The following TAFA1 variants were observed in gnomAD, a reference collection of about 807,000 sequenced individuals.
TAFA1 encodes the protein chemokine-like protein TAFA-1.
TAFA1 carries 4 observed loss-of-function variants against 18.5 expected under a neutral mutation model. The ratio of observed to expected loss-of-function variants is 0.22; its 90% CI spans 0.11 to 0.49. The LOEUF (loss-of-function observed/expected upper bound fraction) is 0.49. Among genes scored for constraint, TAFA1 ranks in the 20% least tolerant of loss-of-function variants. The probability of loss-of-function intolerance (pLI) is 0.98; values close to 1 mark genes in which losing one functional copy is unlikely to be tolerated. For missense variants in TAFA1, 147 were observed against 169.0 expected (o/e 0.87, Z 0.72); for synonymous variants, 56 against 55.2 (o/e 1.01, Z -0.06).
chr3:68,232,365 G>C (rs1466587396), intron 2 of TAFA1, among the ~76,000 whole-genome samples: 1 of 152,084 alleles, frequency 6.6e-6, no homozygotes, highest in Non-Finnish European at 1.5e-5. Context: ...TGTCCTCCAG[G>C]CTCATATTGC....
intron 2 of TAFA1, among the ~76,000 whole-genome samples, chr3:68,083,374 G>T (rs2064928878): frequency 1.3e-5 from 2 of 152,206 alleles, no homozygotes; most frequent in Admixed American, 1.3e-4. Context: ...TAGATTTTAT[G>T]TGAAAAACAT....
intron 2 of TAFA1, among the ~76,000 whole-genome samples, chr3:68,297,785 T>C (rs1430871459): frequency 1.3e-5 from 2 of 152,172 alleles, no homozygotes; most frequent in African/African-American, 4.8e-5. Context: ...AATATTTCTA[T>C]ATGTTCATAT....
chr3:68,185,733 A>G (rs2066261699), intron 2 of TAFA1, among the ~76,000 whole-genome samples: 1 of 151,836 alleles, frequency 6.6e-6, no homozygotes. Flanking sequence ...AACATAAAGA[A>G]ACTTCATCTC....
the TAFA1 span, among the ~76,000 whole-genome samples, chr3:67,999,241 G>A: frequency 8.7e-6 from 1 of 114,574 alleles, no homozygotes; most frequent in African/African-American, 3.3e-5. Context: ...CTTGAATAGT[G>A]CTCTCTCTCT....
intron 2 of TAFA1, among the ~76,000 whole-genome samples, chr3:68,362,008 A>G (rs1422421858): frequency 6.6e-6 from 1 of 152,132 alleles, no homozygotes; most frequent in Admixed American, 6.6e-5. Context: ...TAATTTTGAA[A>G]ACTAAAATGG....
At chr3:68,398,023 C>T (rs2106736651) in intron 2 of TAFA1, among the ~76,000 whole-genome samples, 1 of 152,148 alleles carries the variant, frequency 6.6e-6, no homozygotes, top group African/African-American at 2.4e-5. Flanking sequence ...CAGTGTTATT[C>T]CCATGAAGCT....
At chr3:67,994,939 A>C in the TAFA1 span, among the ~76,000 whole-genome samples, 2 of 152,216 alleles carry the variant, frequency 1.3e-5, no homozygotes, top group East Asian at 3.9e-4. Context: ...TGGTTACATA[A>C]GTGAAAATCA....
intron 2 of TAFA1, among the ~76,000 whole-genome samples, chr3:68,246,125 G>A (rs545227897): frequency 5.9e-5 from 9 of 152,112 alleles, no homozygotes; most frequent in Non-Finnish European, 1.2e-4. Flanking sequence ...GAGCTTGCAA[G>A]GTAATGAAAT....
intron 2 of TAFA1, among the ~76,000 whole-genome samples, chr3:68,416,487 G>T (rs2070841378): frequency 6.6e-6 from 1 of 152,194 alleles, no homozygotes. Flanking sequence ...GTCACTTGAT[G>T]TATCTTTTGC....
intron 2 of TAFA1, among the ~76,000 whole-genome samples, chr3:68,329,967 T>TA (rs1205135463): frequency 2.6e-5 from 4 of 151,546 alleles, no homozygotes; most frequent in African/African-American, 9.8e-5. Context: ...AATAAATACA[T>TA]AAGTACATGC....
chr3:68,187,856 T>C (rs1330909576), intron 2 of TAFA1, among the ~76,000 whole-genome samples: 1 of 151,984 alleles, frequency 6.6e-6, no homozygotes, highest in Non-Finnish European at 1.5e-5. Flanking sequence ...TTTTGGCCAT[T>C]TTAGTGAGTA....
At chr3:68,285,369 TA>T (rs943622200) in intron 2 of TAFA1, among the ~76,000 whole-genome samples, 1 of 152,128 alleles carries the variant, frequency 6.6e-6, no homozygotes, top group African/African-American at 2.4e-5. Flanking sequence ...TATAGATATG[TA>T]AAAATTAATG....
chr3:68,396,984 A>G (rs1454086767), intron 2 of TAFA1, among the ~76,000 whole-genome samples: 1 of 151,726 alleles, frequency 6.6e-6, no homozygotes, highest in African/African-American at 2.4e-5. Context: ...TGACCCCAGC[A>G]CTCCAATCTC....
chr3:68,033,937 A>G (rs1704991568), intron 2 of TAFA1, among the ~76,000 whole-genome samples: 3 of 152,190 alleles, frequency 2.0e-5, no homozygotes, highest in Admixed American at 1.3e-4. Flanking sequence ...AGAAATATGG[A>G]CAGGTTACAG....
intron 3 of TAFA1, among the ~76,000 whole-genome samples, chr3:68,500,000 C>T (rs1299666214): frequency 6.6e-6 from 1 of 151,974 alleles, no homozygotes; most frequent in Non-Finnish European, 1.5e-5. Context: ...GGCATAGCCT[C>T]AAATGATGCC....
chr3:68,415,578 T>C (rs1348543003), intron 2 of TAFA1, among the ~76,000 whole-genome samples: 1 of 152,160 alleles, frequency 6.6e-6, no homozygotes, highest in Non-Finnish European at 1.5e-5. Context: ...ATGTTATTTA[T>C]ATCTTTGTTG....
intron 2 of TAFA1, among the ~76,000 whole-genome samples, chr3:68,042,351 C>T (rs1234757817): frequency 6.6e-6 from 1 of 152,148 alleles, no homozygotes; most frequent in African/African-American, 2.4e-5. Flanking sequence ...TCAATGAAAA[C>T]ATTAAACTTT....
At chr3:68,532,225 C>T (rs563667600) in intron 3 of TAFA1, among the ~76,000 whole-genome samples, 5 of 152,170 alleles carry the variant, frequency 3.3e-5, no homozygotes, top group African/African-American at 1.2e-4. Context: ...AATAGGGGCT[C>T]GGGTCTTCCC....
intron 2 of TAFA1, among the ~76,000 whole-genome samples, chr3:68,238,586 T>C (rs79574626): frequency 6.6e-6 from 1 of 152,182 alleles, no homozygotes; most frequent in East Asian, 1.9e-4. Flanking sequence ...GGGTATTAAA[T>C]GGGACTGTTT....
Sources: gnomAD v4.1 joint callset for allele counts (sites outside exome capture counted in the v4.1 genomes callset) on GRCh38, gnomAD v4.1.1 for gene constraint, MANE v1.5 for transcripts, NCBI Gene and HGNC (gene_info 2026-07-23, HGNC 2026-07-21) for gene names.